EXOC6B: variants seen among roughly 807,000 people sequenced by gnomAD.
EXOC6B encodes the protein SEC15 homolog B.
In EXOC6B, 54 loss-of-function variants were observed where a neutral mutation model predicts 113.5. The ratio of observed to expected loss-of-function variants is 0.48; its 90% CI spans 0.38 to 0.60. The LOEUF (loss-of-function observed/expected upper bound fraction) is 0.60, where lower values mean the gene tolerates loss of function less well. Ranked by LOEUF, EXOC6B falls within the 20% of genes least tolerant of loss-of-function variation. The pLI is 0.00. For synonymous variants in EXOC6B, 357 were observed against 339.0 expected (o/e 1.05, Z -0.58); for missense variants, 797 against 977.5 (o/e 0.82, Z 2.46).
intron 6 of EXOC6B, among the ~76,000 whole-genome samples, chr2:72,697,539 C>T (rs1677982920): frequency 2.6e-5 from 4 of 151,852 alleles, no homozygotes; most frequent in African/African-American, 7.3e-5. Context: ...CAAAAATTAG[C>T]CGGGCATGGT....
chr2:72,713,514 G>T (rs958483663), intron 6 of EXOC6B, among the ~76,000 whole-genome samples: 6 of 151,886 alleles, frequency 4.0e-5, no homozygotes, highest in African/African-American at 1.4e-4. Context: ...CATGTGCCAT[G>T]CTGGTGTGCT....
At chr2:72,397,971 A>C (rs983448404) in intron 18 of EXOC6B, among the ~76,000 whole-genome samples, 1 of 152,200 alleles carries the variant, frequency 6.6e-6, no homozygotes, top group East Asian at 1.9e-4. Context: ...CTGCAAAACA[A>C]AGGAAAGGGT....
In EXOC6B at chr2:72,663,533, G is replaced by A. The variant is rs566107376; in HGVS notation, c.669+54570C>T. ...CAAAGTGGAGTCTCAGGAGAAATTC[G>A]AAAATATTTTCAACTAAATGAAAAT... On this transcript the variant is annotated intron_variant, in intron 6 of 21. Coordinates refer to ENST00000272427, the MANE Select transcript of EXOC6B (RefSeq NM_015189.3). Among the ~76,000 whole-genome samples, 113 of 152,250 alleles carry A rather than the reference G, an allele frequency of 7.4e-4. 1 individual carries two copies. The South Asian group carries it at 0.023, about 30-fold the overall frequency.
intron 20 of EXOC6B, among the ~76,000 whole-genome samples, chr2:72,271,960 CT>C (rs1175223567): frequency 6.6e-6 from 1 of 152,142 alleles, no homozygotes; most frequent in Non-Finnish European, 1.5e-5. Context: ...TTTTCCTCCC[CT>C]TTTCCCCTCC....
intron 6 of EXOC6B, among the ~76,000 whole-genome samples, chr2:72,624,191 T>C (rs1361438958): frequency 6.6e-6 from 1 of 152,100 alleles, no homozygotes; most frequent in Admixed American, 6.6e-5. Context: ...CAGGATGGAA[T>C]GCAGTGGCAC....
At chr2:72,613,288 A>G (rs1558844823) in intron 6 of EXOC6B, among the ~76,000 whole-genome samples, 1 of 152,164 alleles carries the variant, frequency 6.6e-6, no homozygotes. Flanking sequence ...AAAATGAAAC[A>G]AGAAAGGAAA....
rs552824048 is a variant in EXOC6B, at chr2:72,454,054, C to A, written c.1980+11106G>T. 7.2e-5 allele frequency among the ~76,000 whole-genome samples: 11 copies of A among 152,262 alleles called. No individual in the cohort carries two copies. In the South Asian group the frequency reaches 2.3e-3, roughly 32 times the overall value. ...TGAACAGCATGAGGGAAACTACTCCCATGGTTCAATTATCTCCACCTGGTC... is the reference window on the plus strand; with the variant it reads ...TGAACAGCATGAGGGAAACTACTCCAATGGTTCAATTATCTCCACCTGGTC... On this transcript the variant is annotated intron_variant, in intron 18 of 21. Transcript: ENST00000272427.
intron 18 of EXOC6B, among the ~76,000 whole-genome samples, chr2:72,401,510 T>TACACACAC (rs1207706982): frequency 4.8e-5 from 2 of 41,748 alleles, no homozygotes; most frequent in African/African-American, 9.7e-4. Flanking sequence ...TATATATATA[T>TACACACAC]ATATACATAT....
chr2:72,676,051 A>C (rs1676280499), intron 6 of EXOC6B, among the ~76,000 whole-genome samples: 1 of 151,918 alleles, frequency 6.6e-6, no homozygotes, highest in Non-Finnish European at 1.5e-5. Context: ...TAGACTCCAG[A>C]AAACAACCCT....
intron 18 of EXOC6B, among the ~76,000 whole-genome samples, chr2:72,386,673 G>A (rs1692048469): frequency 2.0e-5 from 3 of 152,282 alleles, no homozygotes; most frequent in African/African-American, 7.2e-5. Context: ...AAGTGTGTGG[G>A]TGCACAAAGT....
chr2:72,691,910 C>A (rs761757413), intron 6 of EXOC6B, among the ~76,000 whole-genome samples: 1 of 151,874 alleles, frequency 6.6e-6, no homozygotes, highest in Non-Finnish European at 1.5e-5. Context: ...TCTTGAAATC[C>A]TGACCTCAGG....
chr2:72,520,810 TAAAA>T (rs1558758115), intron 8 of EXOC6B, among the ~76,000 whole-genome samples: 2 of 152,174 alleles, frequency 1.3e-5, no homozygotes, highest in Non-Finnish European at 2.9e-5. Flanking sequence ...TTAAACTGAA[TAAAA>T]ACCAGAGTTA....
At position 72,395,669 on chromosome 2, in the gene EXOC6B, G is replaced by A. The variant is rs554642539; in HGVS notation, c.1981-15799C>T. On this transcript the variant is annotated intron_variant, in intron 18 of 21. Transcript: ENST00000272427. ...AGGACTAAAAAGGAAGTGATATGGA[G>A]AGAAATAGCAAAGATTTGGGTTCAT... 2.0e-4 allele frequency among the ~76,000 whole-genome samples: 30 copies of A among 152,254 alleles called. 1 individual carries two copies. In the East Asian group the frequency reaches 5.2e-3, roughly 26 times the overall value.
chr2:72,224,753 C>G (rs1681096820), intron 20 of EXOC6B, among the ~76,000 whole-genome samples: 1 of 151,528 alleles, frequency 6.6e-6, no homozygotes, highest in Non-Finnish European at 1.5e-5. Context: ...CCTCAGTCTC[C>G]CAAGCAGCTG....
At chr2:72,476,047 T>C (rs1264381568) in intron 17 of EXOC6B, among the ~76,000 whole-genome samples, 2 of 151,402 alleles carry the variant, frequency 1.3e-5, no homozygotes, top group Non-Finnish European at 2.9e-5. Flanking sequence ...CGGCTTGCTA[T>C]AGCTGCTTAG....
intron 20 of EXOC6B, among the ~76,000 whole-genome samples, chr2:72,290,284 T>C (rs1203081592): frequency 6.6e-6 from 1 of 152,226 alleles, no homozygotes; most frequent in Non-Finnish European, 1.5e-5. Flanking sequence ...ATATTACACA[T>C]CTTTTATAGA....
chr2:72,245,960 C>T (rs752587549), intron 20 of EXOC6B, among the ~76,000 whole-genome samples: 5 of 152,138 alleles, frequency 3.3e-5, no homozygotes, highest in Non-Finnish European at 7.4e-5. Context: ...GCTTAAATTC[C>T]ATTGATGGCT....
intron 18 of EXOC6B, among the ~76,000 whole-genome samples, chr2:72,444,100 A>G (rs1696413137): frequency 6.6e-6 from 1 of 152,232 alleles, no homozygotes; most frequent in African/African-American, 2.4e-5. Context: ...CAATGGGGGT[A>G]TAGGCATTGG....
At chr2:72,325,386 G>A (rs1041105230) in intron 20 of EXOC6B, among the ~76,000 whole-genome samples, 6 of 152,006 alleles carry the variant, frequency 3.9e-5, no homozygotes, top group South Asian at 2.1e-4. Flanking sequence ...CTCCTTCCTT[G>A]GGTACCATTG....
Sources: gnomAD v4.1 joint callset for allele counts (sites outside exome capture counted in the v4.1 genomes callset) on GRCh38, gnomAD v4.1.1 for gene constraint, MANE v1.5 for transcripts, NCBI Gene and HGNC (gene_info 2026-07-23, HGNC 2026-07-21) for gene names.